The following TVP23A variants were observed in gnomAD, a reference collection of about 807,000 sequenced individuals.
TVP23A encodes Golgi apparatus membrane protein TVP23 homolog A.
TVP23A carries 21 observed loss-of-function variants against 31.7 expected under a neutral mutation model. That is an observed-to-expected ratio of 0.66 (90% CI 0.47 to 0.95). The LOEUF is 0.95. Ranked by LOEUF, TVP23A falls within the 40% of genes least tolerant of loss-of-function variation. The pLI, the probability that TVP23A is intolerant of heterozygous loss-of-function variation, is 0.00. For synonymous variants in TVP23A, 104 were observed against 96.0 expected (o/e 1.08, Z -0.49); for missense variants, 279 against 255.6 (o/e 1.09, Z -0.62).
At chr16:10,798,182 A>G (rs1295456426) in intron 2 of TVP23A, among the ~76,000 whole-genome samples, 1 of 151,498 alleles carries the variant, frequency 6.6e-6, no homozygotes, top group Non-Finnish European at 1.5e-5. Context: ...GATGGTCTCG[A>G]TCTCCTGACC....
chr16:10,807,003 A>T (rs964516726), intron 2 of TVP23A, among the ~76,000 whole-genome samples: 2 of 152,152 alleles, frequency 1.3e-5, no homozygotes, highest in African/African-American at 4.8e-5. Context: ...GACCTTCCTT[A>T]AAATTAAACA....
intron 6 of TVP23A, among the ~76,000 whole-genome samples, chr16:10,770,938 T>TA (rs1175312190): frequency 3.3e-5 from 5 of 150,320 alleles, no homozygotes; most frequent in African/African-American, 1.2e-4. Context: ...TCTATACTTT[T>TA]AAAAATCACT....
downstream of TVP23A, chr16:10,763,521 G>T (rs61440961): frequency 1.3e-5 from 2 of 152,298 alleles, no homozygotes; most frequent in East Asian, 3.9e-4. Context: ...AAGTACAGCT[G>T]CTTTCTCAAC....
chr16:10,787,094 C>G (rs2032804662), intron 2 of TVP23A, among the ~76,000 whole-genome samples: 1 of 152,164 alleles, frequency 6.6e-6, no homozygotes, highest in African/African-American at 2.4e-5. Context: ...AAATGCCCAA[C>G]CCTCCCTGCA....
intron 2 of TVP23A, among the ~76,000 whole-genome samples, chr16:10,797,766 A>T (rs967639175): frequency 1.3e-5 from 2 of 151,978 alleles, no homozygotes; most frequent in African/African-American, 4.8e-5. Context: ...AAATATGTAT[A>T]TTTGAATTGA....
chr16:10,785,480 C>T (rs1369380234), intron 2 of TVP23A, among the ~76,000 whole-genome samples: 1 of 152,116 alleles, frequency 6.6e-6, no homozygotes, highest in Non-Finnish European at 1.5e-5. Context: ...CACAGAGAAA[C>T]TGGGAGGAGG....
At chr16:10,761,921 G>A, downstream of TVP23A, 1 of 1,307,878 alleles carries the variant, frequency 7.6e-7, no homozygotes, top group Admixed American at 1.9e-5. Flanking sequence ...GCACGGGTCG[G>A]GCACAACAGG....
At chr16:10,772,334 CTGT>C (rs1407053886) in intron 5 of TVP23A, among the ~76,000 whole-genome samples, 1 of 152,124 alleles carries the variant, frequency 6.6e-6, no homozygotes, top group Non-Finnish European at 1.5e-5. Context: ...TTAAATGACA[CTGT>C]TGTTTTACTA....
intron 2 of TVP23A, among the ~76,000 whole-genome samples, chr16:10,776,416 G>A (rs1390936717): frequency 1.3e-5 from 2 of 152,040 alleles, no homozygotes; most frequent in Admixed American, 6.6e-5. Flanking sequence ...GAAAAGAAAG[G>A]TTACCAAATT....
chr16:10,789,341 C>CA (rs538320744), intron 2 of TVP23A, among the ~76,000 whole-genome samples: 2 of 151,680 alleles, frequency 1.3e-5, no homozygotes, highest in East Asian at 1.9e-4. Context: ...CAAAATACGA[C>CA]AAAAAAATGT....
At chr16:10,802,908 G>T (rs958687704) in intron 2 of TVP23A, among the ~76,000 whole-genome samples, 1 of 152,276 alleles carries the variant, frequency 6.6e-6, no homozygotes, top group East Asian at 1.9e-4. Context: ...ATTGCGCAAG[G>T]ATACAGAATT....
intron 2 of TVP23A, among the ~76,000 whole-genome samples, chr16:10,811,318 G>T (rs2034189406): frequency 6.6e-6 from 1 of 152,110 alleles, no homozygotes; most frequent in Admixed American, 6.6e-5. Flanking sequence ...ACCCAGGCTA[G>T]AGTGCAGTGG....
intron 2 of TVP23A, among the ~76,000 whole-genome samples, chr16:10,815,093 T>C (rs1321471324): frequency 2.0e-5 from 3 of 152,096 alleles, no homozygotes; most frequent in Admixed American, 6.6e-5. Flanking sequence ...ATCCCAGCGT[T>C]TAAAATACTG....
downstream of TVP23A, chr16:10,766,599 C>T (rs1596479275): frequency 1.1e-5 from 2 of 179,828 alleles, no homozygotes; most frequent in East Asian, 2.9e-4. The surrounding 1 kb of genome is among the most constrained non-coding windows in gnomAD (Gnocchi z 4.8). Context: ...CACATGGTCT[C>T]ATGGGCCCAG....
At chr16:10,770,816 G>T (rs1156737239) in intron 6 of TVP23A, among the ~76,000 whole-genome samples, 1 of 130,646 alleles carries the variant, frequency 7.7e-6, no homozygotes, top group African/African-American at 3.0e-5. Flanking sequence ...GTTGCAGTGA[G>T]CCAACACATG....
chr16:10,764,997 A>T (rs952266507), downstream of TVP23A: 3 of 162,958 alleles, frequency 1.8e-5, no homozygotes, highest in Admixed American at 1.3e-4. Context: ...CTTACCCATC[A>T]GAGGGGCTGC....
At chr16:10,810,963 C>A (rs2034170329) in intron 2 of TVP23A, among the ~76,000 whole-genome samples, 4 of 152,202 alleles carry the variant, frequency 2.6e-5, no homozygotes, top group Admixed American at 2.6e-4. Context: ...TTTCTCCATA[C>A]TTACAGATAT....
intron 2 of TVP23A, among the ~76,000 whole-genome samples, chr16:10,813,570 T>C (rs888396938): frequency 6.6e-6 from 1 of 152,156 alleles, no homozygotes; most frequent in Non-Finnish European, 1.5e-5. Context: ...ATAGCAAGAC[T>C]CCGTCTCATA....
At position 10,818,468 on chromosome 16, in the gene TVP23A, C is replaced by G; in HGVS notation, c.9+17G>C. The stretch of plus-strand genomic sequence containing the variant: ...CGTCCCGCCCCGCCTCCAGCCCCAG[C>G]ATCCCCGAGGCCCTACCTGCTTCAT... On this transcript the variant is annotated intron_variant, in intron 1 of 7. Coordinates refer to ENST00000299866, the MANE Select transcript of TVP23A (RefSeq NM_001079512.4). This position sits in a 1 kb window ranked among gnomAD's most constrained non-coding sequence, Gnocchi z 4.7. 6.2e-7 allele frequency: 1 copy of G among 1,604,456 alleles called. No individual in the cohort carries two copies. The highest frequency in any genetic ancestry group is 2.2e-5 in the East Asian group (1 of 44,782).
Sources: gnomAD v4.1 joint callset for allele counts (sites outside exome capture counted in the v4.1 genomes callset) on GRCh38, gnomAD v4.1.1 for gene constraint, Gnocchi (gnomAD v3.1) non-coding constraint, MANE v1.5 for transcripts, NCBI Gene and HGNC (gene_info 2026-07-23, HGNC 2026-07-21) for gene names.